The following LPP variants were observed in gnomAD, a reference collection of about 807,000 sequenced individuals.
LPP encodes lipoma-preferred partner.
A neutral mutation model predicts 60.4 loss-of-function variants in LPP; 38 were observed. That is an observed-to-expected ratio of 0.63 (90% CI 0.49 to 0.83). LPP has a LOEUF of 0.83. Among genes scored for constraint, LPP ranks in the 40% least tolerant of loss-of-function variants. LPP has a pLI of 0.00. For synonymous variants in LPP, 328 were observed against 290.8 expected, an observed-to-expected ratio of 1.13 and a Z score of -1.30; for missense variants, 902 against 783.6, an observed-to-expected ratio of 1.15 and a Z score of -1.80.
intron 9 of LPP, 53 bp from the exon 10 acceptor site, chr3:188,866,147 A>G: frequency 1.5e-6 from 2 of 1,352,550 alleles, no homozygotes. Flanking sequence ...CCTGTCATGC[A>G]GTATGGACCC....
At chr3:188,265,753 G>T (rs116152561) in intron 2 of LPP, among the ~76,000 whole-genome samples, 2 of 152,086 alleles carry the variant, frequency 1.3e-5, no homozygotes, top group African/African-American at 4.8e-5. Context: ...TGAGATATCT[G>T]TATCCAATCA....
At chr3:188,744,234 C>T (rs928232405) in intron 8 of LPP, among the ~76,000 whole-genome samples, 1 of 152,102 alleles carries the variant, frequency 6.6e-6, no homozygotes, top group African/African-American at 2.4e-5. Flanking sequence ...TTTCCACTAC[C>T]CCTAGTTTAA....
chr3:188,191,640 A>T (rs1351075864), intron 1 of LPP, among the ~76,000 whole-genome samples: 3 of 152,184 alleles, frequency 2.0e-5, no homozygotes, highest in Non-Finnish European at 4.4e-5. Flanking sequence ...CAGTGAGCAA[A>T]CACTCACTGA....
chr3:188,371,991 CT>C (rs547260887), intron 3 of LPP, among the ~76,000 whole-genome samples: 3,229 of 144,752 alleles, frequency 0.022, 129 homozygotes, highest in African/African-American at 0.074. Flanking sequence ...TTTTTCTTTT[CT>C]TTTTTTTTTT....
rs768044871 is a variant in LPP at position 188,878,441 on chromosome 3, G to A, written c.*3962G>A. On this transcript the variant is annotated 3_prime_UTR_variant, in exon 12 of 12. Coordinates refer to ENST00000617246, the MANE Select transcript of LPP (RefSeq NM_001375462.1). ...TTTCACATTTGTAGTTCAAACAAGCGATTGTCCATCTGTTGCCTAGAGCTA... is the reference window on the plus strand; with the variant it reads ...TTTCACATTTGTAGTTCAAACAAGCAATTGTCCATCTGTTGCCTAGAGCTA... 10 of 214,732 alleles carry A rather than the reference G, an allele frequency of 4.7e-5. No individual in the cohort carries two copies. Among genetic ancestry groups the A allele is most frequent in the Admixed American group, 1.8e-4 (3 of 17,086 alleles). The allele number at this position is 214,732 out of a possible 1,614,324, so 13.3% of individuals were successfully genotyped here. A position where few individuals can be genotyped will look rare whatever the true frequency, so the allele number is the denominator to read the frequency against.
At chr3:188,406,465 T>C in intron 4 of LPP, 152 bp downstream of exon 4, 1 of 688,336 alleles carries the variant, frequency 1.5e-6, no homozygotes. Context: ...CCCCCGGAAA[T>C]AGTCTAGACC....
In LPP at chr3:188,757,283, G is replaced by A. The variant is rs140976676; in HGVS notation, c.1241-2830G>A. On this transcript the variant is annotated intron_variant, in intron 8 of 11. Transcript: ENST00000617246. ...ACACAGAAGGAGAACATAGTCGTGGGCAAGAGTAGATATTTGAGGTTGAAT... is the reference window on the plus strand; with the variant it reads ...ACACAGAAGGAGAACATAGTCGTGGACAAGAGTAGATATTTGAGGTTGAAT... 1.5e-3 allele frequency among the ~76,000 whole-genome samples: 225 copies of A among 152,332 alleles called. 1 individual carries two copies. The highest frequency in any genetic ancestry group is 3.9e-3 in the African/African-American group (164 of 41,570).
Position 188,441,625 on chromosome 3 carries a change from T to C in LPP, c.193+35312T>C, listed in dbSNP as rs867088838. The stretch of plus-strand genomic sequence containing the variant: ...TTTTCTTTTCTTTTTTTTTTTTTTT[T>C]TTTTTTTTTTTTTGAGATGGAGTCT... On this transcript the variant is annotated intron_variant, in intron 4 of 11. Coordinates refer to ENST00000617246, the MANE Select transcript of LPP (RefSeq NM_001375462.1). Among the ~76,000 whole-genome samples, 18 of 108,632 alleles carry C rather than the reference T, an allele frequency of 1.7e-4. 1 individual carries two copies. Among genetic ancestry groups the C allele is most frequent in the Non-Finnish European group, 2.8e-4 (15 of 52,736 alleles). 71.3% of individuals were successfully genotyped at this position (108,632 alleles called of 152,430 possible). A position where few individuals can be genotyped will look rare whatever the true frequency, so the allele number is the denominator to read the frequency against.
intron 8 of LPP, among the ~76,000 whole-genome samples, chr3:188,729,041 A>AGCTCTAG (rs889365444): frequency 6.6e-6 from 1 of 152,186 alleles, no homozygotes; most frequent in African/African-American, 2.4e-5. Context: ...AATGTTTGAG[A>AGCTCTAG]GCTCTAGGAA....
chr3:188,826,783 C>A (rs1444585548), intron 9 of LPP, among the ~76,000 whole-genome samples: 2 of 152,012 alleles, frequency 1.3e-5, no homozygotes, highest in African/African-American at 4.8e-5. Context: ...ACCCCCCCCA[C>A]TCTCATCTCT....
At chr3:188,448,027 T>A (rs1356709320) in intron 4 of LPP, among the ~76,000 whole-genome samples, 1 of 152,136 alleles carries the variant, frequency 6.6e-6, no homozygotes, top group Middle Eastern at 3.2e-3. Context: ...TGGGTTGAAT[T>A]TGTAAGCTAT....
intron 5 of LPP, among the ~76,000 whole-genome samples, chr3:188,496,246 C>T (rs1810168704): frequency 6.6e-6 from 1 of 152,076 alleles, no homozygotes; most frequent in Non-Finnish European, 1.5e-5. Context: ...CCGCCTCAGC[C>T]TCCTGAGTAG....
intron 1 of LPP, chr3:188,179,528 G>C (rs1443629737): frequency 2.2e-6 from 1 of 457,604 alleles, no homozygotes; most frequent in Non-Finnish European, 4.4e-6. Context: ...TACACTTAGA[G>C]TTCCTCTCGT....
At chr3:188,456,847 T>C (rs1797849940) in intron 4 of LPP, among the ~76,000 whole-genome samples, 1 of 152,166 alleles carries the variant, frequency 6.6e-6, no homozygotes, top group Non-Finnish European at 1.5e-5. Context: ...CTTTTAAGAT[T>C]GCTATATTGA....
intron 2 of LPP, among the ~76,000 whole-genome samples, chr3:188,228,360 T>A (rs552253628): frequency 6.6e-6 from 1 of 152,172 alleles, no homozygotes; most frequent in Non-Finnish European, 1.5e-5. Context: ...ATGGATAGAA[T>A]AAATCTGAAG....
intron 2 of LPP, among the ~76,000 whole-genome samples, chr3:188,240,339 A>G (rs1723734415): frequency 7.0e-6 from 1 of 143,740 alleles, no homozygotes. Flanking sequence ...AGTTTTGGGT[A>G]AGAGTGTGTG....
At chr3:188,535,866 C>T (rs1174753268) in intron 6 of LPP, among the ~76,000 whole-genome samples, 1 of 152,008 alleles carries the variant, frequency 6.6e-6, no homozygotes, top group African/African-American at 2.4e-5. Context: ...TTACTATTTC[C>T]TAAATAAAGA....
chr3:188,546,801 A>T (rs1292151608), intron 6 of LPP, among the ~76,000 whole-genome samples: 1 of 152,200 alleles, frequency 6.6e-6, no homozygotes, highest in African/African-American at 2.4e-5. Context: ...AAATTGAGGA[A>T]ATCCACAGTC....
At chr3:188,619,373 A>G (rs1167518361) in intron 7 of LPP, among the ~76,000 whole-genome samples, 1 of 152,164 alleles carries the variant, frequency 6.6e-6, no homozygotes, top group Non-Finnish European at 1.5e-5. Flanking sequence ...AAAGCACACA[A>G]AATATTAGTT....
Sources: gnomAD v4.1 joint callset for allele counts (sites outside exome capture counted in the v4.1 genomes callset) on GRCh38, gnomAD v4.1.1 for gene constraint, MANE v1.5 for transcripts, NCBI Gene and HGNC (gene_info 2026-07-23, HGNC 2026-07-21) for gene names.